The following RYR2 variants were observed in gnomAD, a reference collection of about 807,000 sequenced individuals.
RYR2 encodes the protein cardiac muscle ryanodine receptor-calcium release channel.
In RYR2, 227 loss-of-function variants were observed where a neutral mutation model predicts 601.1. That is an observed-to-expected ratio of 0.38 (90% CI 0.34 to 0.42). The LOEUF is 0.42. Ranked by LOEUF, RYR2 falls within the 10% of genes least tolerant of loss-of-function variation. The pLI is 1.00. For synonymous variants in RYR2, 2,223 were observed against 2,175.1 expected (o/e 1.02, Z -0.61); for missense variants, 4,646 against 6,156.5 (o/e 0.75, Z 8.21).
At chr1:237,436,941 G>A (rs2150127682) in intron 12 of RYR2, among the ~76,000 whole-genome samples, 1 of 151,066 alleles carries the variant, frequency 6.6e-6, no homozygotes, top group East Asian at 1.9e-4. Flanking sequence ...AATAGGTATG[G>A]CTTCATTATG....
chr1:237,416,837 G>A (rs1167366696), intron 10 of RYR2, among the ~76,000 whole-genome samples: 1 of 151,868 alleles, frequency 6.6e-6, no homozygotes, highest in Non-Finnish European at 1.5e-5. Flanking sequence ...TTAAATCATT[G>A]TTTATTCAGG....
chr1:237,753,200 G>A (rs940569010), intron 80 of RYR2, among the ~76,000 whole-genome samples: 2 of 152,062 alleles, frequency 1.3e-5, no homozygotes, highest in Non-Finnish European at 2.9e-5. Flanking sequence ...AAACTATTAG[G>A]TCAGTGGCAA....
In RYR2 at chr1:237,472,469, C is replaced by T. The variant is rs543176210; in HGVS notation, c.1708+3282C>T. ...GCCTGAAACACCTCGTTTACCATTG[C>T]CAGATGCAGAACAATGCCTAGGATT... On this transcript the variant is annotated intron_variant, in intron 17 of 104. Coordinates refer to ENST00000366574, the MANE Select transcript of RYR2 (RefSeq NM_001035.3). Among the ~76,000 whole-genome samples the T allele has an allele frequency of 2.0e-5, 3 of 152,046 alleles. No homozygotes were observed. In the South Asian group the frequency reaches 6.2e-4, roughly 32 times the overall value.
rs375456172 is a variant in RYR2, at chr1:237,819,095, C to T, written c.14493C>T (p.Ile4831=). Residue 4831 remains isoleucine, a synonymous_variant, in exon 101 of 105, where the codon ATC becomes ATT. Coordinates refer to ENST00000366574, the MANE Select transcript of RYR2 (RefSeq NM_001035.3). This position sits in a 1 kb window ranked among gnomAD's most constrained non-coding sequence, Gnocchi z 4.0. The part of the protein sequence containing the change: ...VRAGGGIGDE[I]EDPAGDEYEI... ...CTGGAGGAGGGATCGGGGATGAAATCGAAGACCCAGCAGGAGATGAATATG... is the reference window on the plus strand; with the variant it reads ...CTGGAGGAGGGATCGGGGATGAAATTGAAGACCCAGCAGGAGATGAATATG... 2.0e-5 allele frequency: 32 copies of T among 1,613,590 alleles called. No individual in the cohort carries two copies. In the African/African-American group the frequency reaches 2.0e-4, roughly 10 times the overall value.
In RYR2 at chr1:237,784,706, G is replaced by C; in HGVS notation, c.12994G>C (p.Ala4332Pro). 4 of 1,608,072 alleles carry C rather than the reference G, an allele frequency of 2.5e-6. No individual in the cohort carries two copies. The highest frequency in any genetic ancestry group is 3.4e-6 in the Non-Finnish European group (4 of 1,176,292). Residue 4332 changes from alanine (A) to proline (P), a missense_variant, in exon 90 of 105, where the codon GCC becomes CCC. Physicochemically the swap from Ala to Pro is conservative, Grantham distance 27. This residue lies in a region of RYR2 where 364 missense variants were observed against 442.9 expected (regional missense o/e 0.82). Coordinates refer to ENST00000366574, the MANE Select transcript of RYR2 (RefSeq NM_001035.3). This position sits in a 1 kb window ranked among gnomAD's most constrained non-coding sequence, Gnocchi z 7.1. Reference sequence around the variant, plus strand: ...AAAGATCAAAGTTGCAGAACTGTTAGCCAACATGCCAGACCCCACTCAGGA... The same window carrying C: ...AAAGATCAAAGTTGCAGAACTGTTACCCAACATGCCAGACCCCACTCAGGA... ...AKKIKVAELLANMPDPTQDEV... is the reference protein window; with the variant it reads ...AKKIKVAELLPNMPDPTQDEV...
intron 1 of RYR2, among the ~76,000 whole-genome samples, chr1:237,112,754 A>G (rs1038327309): frequency 6.6e-6 from 1 of 152,164 alleles, no homozygotes; most frequent in Non-Finnish European, 1.5e-5. Context: ...ATGAGGATGT[A>G]AGCCTCTTAG....
At chr1:237,748,716 T>C (rs765400368) in intron 80 of RYR2, among the ~76,000 whole-genome samples, 1 of 152,198 alleles carries the variant, frequency 6.6e-6, no homozygotes, top group Non-Finnish European at 1.5e-5. Context: ...AATTCATGCA[T>C]ATGAGTATGT....
chr1:237,705,981 T>C (rs1465281034), intron 67 of RYR2, among the ~76,000 whole-genome samples: 1 of 152,152 alleles, frequency 6.6e-6, no homozygotes, highest in African/African-American at 2.4e-5. Context: ...CTGGGCGCAG[T>C]GGCTCATGCC....
intron 97 of RYR2, among the ~76,000 whole-genome samples, chr1:237,800,761 A>G (rs1160848775): frequency 2.6e-5 from 4 of 152,222 alleles, no homozygotes; most frequent in African/African-American, 9.6e-5. Context: ...ATTTTAATAT[A>G]CGTGTTTGTA....
intron 1 of RYR2, among the ~76,000 whole-genome samples, chr1:237,143,470 G>A (rs866300808): frequency 6.6e-5 from 10 of 152,184 alleles, no homozygotes; most frequent in Middle Eastern, 3.2e-3. Flanking sequence ...TTTGCCTACA[G>A]CAGCCAGTGG....
intron 59 of RYR2, among the ~76,000 whole-genome samples, 196 bp downstream of exon 59, chr1:237,674,415 A>G (rs2148909988): frequency 6.6e-6 from 1 of 152,254 alleles, no homozygotes; most frequent in Middle Eastern, 3.4e-3. Context: ...TCCTTTTGCT[A>G]CATATATTAA....
At chr1:237,290,718 A>G (rs563378965) in intron 2 of RYR2, among the ~76,000 whole-genome samples, 1 of 152,354 alleles carries the variant, frequency 6.6e-6, no homozygotes, top group South Asian at 2.1e-4. Context: ...GATTGGGAGA[A>G]GATATTTTCA....
At chr1:237,600,453 A>C (rs530066813) in intron 34 of RYR2, among the ~76,000 whole-genome samples, 1 of 152,330 alleles carries the variant, frequency 6.6e-6, no homozygotes, top group African/African-American at 2.4e-5. Context: ...AATCAACTCA[A>C]AGTGGATTAA....
At chr1:237,068,032 A>ATTTT (rs36053229) in intron 1 of RYR2, among the ~76,000 whole-genome samples, 5 of 122,888 alleles carry the variant, frequency 4.1e-5, no homozygotes, top group Non-Finnish European at 6.9e-5. Context: ...CAGAACTTTG[A>ATTTT]TTTTTTTTTT....
intron 25 of RYR2, among the ~76,000 whole-genome samples, chr1:237,536,334 G>A (rs1210581233): frequency 2.0e-5 from 3 of 152,212 alleles, no homozygotes; most frequent in Admixed American, 6.5e-5. Flanking sequence ...CACTTTGGGA[G>A]GCCGAGGCAG....
chr1:237,625,388 TAAG>T (rs1679539131), intron 39 of RYR2, among the ~76,000 whole-genome samples: 1 of 152,082 alleles, frequency 6.6e-6, no homozygotes, highest in Non-Finnish European at 1.5e-5. Flanking sequence ...TCTTTGCCCC[TAAG>T]AGAGTCTTTT....
intron 10 of RYR2, among the ~76,000 whole-genome samples, chr1:237,408,695 GT>G (rs1359290391): frequency 1.3e-5 from 2 of 151,964 alleles, no homozygotes; most frequent in Non-Finnish European, 2.9e-5. Context: ...TTTAGAATCA[GT>G]TTGTTAATAT....
intron 63 of RYR2, among the ~76,000 whole-genome samples, chr1:237,693,415 T>C (rs1391140553): frequency 2.6e-5 from 4 of 152,208 alleles, no homozygotes; most frequent in Admixed American, 1.3e-4. Flanking sequence ...CTTTCCAGTT[T>C]TCTGGTGCCT....
intron 2 of RYR2, among the ~76,000 whole-genome samples, chr1:237,284,485 T>TAA (rs1355010093): frequency 0.015 from 1,541 of 104,000 alleles, 53 homozygotes; most frequent in African/African-American, 0.055. Context: ...TACATATATA[T>TAA]AATATATAAA....
Sources: gnomAD v4.1 joint callset for allele counts (sites outside exome capture counted in the v4.1 genomes callset) on GRCh38, gnomAD v4.1.1 for gene constraint, gnomAD v4.1.1 regional missense constraint, Gnocchi (gnomAD v3.1) non-coding constraint, MANE v1.5 for transcripts, NCBI Gene and HGNC (gene_info 2026-07-23, HGNC 2026-07-21) for gene names.